The following SEMA3C variants were observed in gnomAD, a reference collection of about 807,000 sequenced individuals.
The protein encoded by SEMA3C is semaphorin 3C.
In SEMA3C, 47 loss-of-function variants were observed where a neutral mutation model predicts 89.4. The observed-to-expected ratio is 0.53, with a 90% CI of 0.42 to 0.67. The LOEUF is 0.67. Ranked by LOEUF, SEMA3C falls within the 30% of genes least tolerant of loss-of-function variation. The pLI is 0.00. For missense variants in SEMA3C, 839 were observed against 929.1 expected (o/e 0.90, Z 1.26); for synonymous variants, 310 against 320.2 (o/e 0.97, Z 0.34).
chr7:80,791,752 T>TG (rs1014563567), intron 11 of SEMA3C, among the ~76,000 whole-genome samples: 2 of 152,128 alleles, frequency 1.3e-5, no homozygotes, highest in Non-Finnish European at 2.9e-5. Context: ...AACAGCAACA[T>TG]GGGGGGCCAA....
intron 2 of SEMA3C, among the ~76,000 whole-genome samples, chr7:80,852,114 C>T (rs992829083): frequency 6.6e-6 from 1 of 152,114 alleles, no homozygotes; most frequent in Admixed American, 6.5e-5. Flanking sequence ...CATTTCATCA[C>T]CACTCTGGAA....
Position 80,744,818 on chromosome 7 carries a change from A to C in SEMA3C, c.*76T>G, listed in dbSNP as rs1382479915. The C allele has an allele frequency of 2.6e-6, 4 of 1,529,034 alleles. No individual in the cohort carries two copies. The African/African-American group carries it at 5.5e-5, about 21-fold the overall frequency. The allele number at this position is 1,529,034 out of a possible 1,614,324, so 94.7% of individuals were successfully genotyped here. ...CAGTAATTCCCCTTGGTAAAGCACA[A>C]GTTTCTTTGCTCAAAATTTGATCAT... On this transcript the variant is annotated 3_prime_UTR_variant, in exon 18 of 18. Transcript: ENST00000265361.
intron 2 of SEMA3C, among the ~76,000 whole-genome samples, chr7:80,909,575 G>C (rs1265526163): frequency 2.0e-5 from 3 of 152,070 alleles, no homozygotes; most frequent in Non-Finnish European, 4.4e-5. Context: ...AGAATATTTA[G>C]CATTTTCAGT....
chr7:80,751,418 T>G, intron 15 of SEMA3C, 82 bp from the exon 16 acceptor site: 2 of 1,249,506 alleles, frequency 1.6e-6, no homozygotes, highest in Admixed American at 1.8e-5. Context: ...AATTTTAAAC[T>G]TTGCACCCTT....
rs1414970237 is a variant in SEMA3C at position 80,823,324 on chromosome 7, G to A, written c.327+4101C>T. On this transcript the variant is annotated intron_variant, in intron 4 of 17. Transcript: ENST00000265361. ...ATTTCACAGATAAGAAAACCAAGAT[G>A]TACAGAAAGTTTAAGTCTCCAAGGT... 2.0e-5 allele frequency among the ~76,000 whole-genome samples: 3 copies of A among 152,270 alleles called. No individual in the cohort carries two copies. The East Asian group carries it at 5.8e-4, about 29-fold the overall frequency.
chr7:80,870,987 C>G (rs1486875149), intron 2 of SEMA3C, among the ~76,000 whole-genome samples: 1 of 152,190 alleles, frequency 6.6e-6, no homozygotes, highest in African/African-American at 2.4e-5. Flanking sequence ...TACTGGCCCT[C>G]TGAACAAGAT....
chr7:80,760,110 A>G (rs539445808), intron 14 of SEMA3C, among the ~76,000 whole-genome samples: 1 of 152,330 alleles, frequency 6.6e-6, no homozygotes, highest in South Asian at 2.1e-4. Flanking sequence ...GTCATTAACA[A>G]TTTGTAGTCC....
chr7:80,853,652 G>A (rs1790568155), intron 2 of SEMA3C, among the ~76,000 whole-genome samples: 1 of 152,162 alleles, frequency 6.6e-6, no homozygotes, highest in Admixed American at 6.5e-5. Flanking sequence ...GAGAGGAAGT[G>A]GAGATGGCTG....
chr7:80,777,815 C>T (rs1377639817), intron 12 of SEMA3C, among the ~76,000 whole-genome samples: 3 of 152,172 alleles, frequency 2.0e-5, no homozygotes, highest in African/African-American at 4.8e-5. Context: ...CTGAAAGAGA[C>T]ATCTTAAGGC....
intron 11 of SEMA3C, among the ~76,000 whole-genome samples, chr7:80,790,329 A>G (rs1788907038): frequency 1.3e-5 from 2 of 151,914 alleles, no homozygotes; most frequent in South Asian, 4.2e-4. Context: ...GGAGGAGGAG[A>G]AAGGAGGAGG....
chr7:80,840,282 G>C (rs936089804), intron 2 of SEMA3C, among the ~76,000 whole-genome samples: 4 of 152,004 alleles, frequency 2.6e-5, no homozygotes, highest in African/African-American at 4.8e-5. Context: ...CATTATGGGA[G>C]GCAATAGCGG....
chr7:80,881,871 G>A (rs1791349652), intron 2 of SEMA3C, among the ~76,000 whole-genome samples: 1 of 152,114 alleles, frequency 6.6e-6, no homozygotes, highest in Non-Finnish European at 1.5e-5. Context: ...GTCATAAAAG[G>A]CTGAGGAGGT....
chr7:80,767,432 A>G (rs544921585), intron 12 of SEMA3C, among the ~76,000 whole-genome samples: 22 of 152,324 alleles, frequency 1.4e-4, no homozygotes, highest in African/African-American at 5.1e-4. Context: ...AGATTTATAA[A>G]TGGTTTCACA....
chr7:80,799,359 C>T (rs777338219), intron 10 of SEMA3C, among the ~76,000 whole-genome samples: 2 of 152,190 alleles, frequency 1.3e-5, no homozygotes, highest in Admixed American at 6.5e-5. Flanking sequence ...GACCCATTAT[C>T]TTCCACAGTG....
chr7:80,856,456 C>A (rs1790642521), intron 2 of SEMA3C, among the ~76,000 whole-genome samples: 1 of 149,806 alleles, frequency 6.7e-6, no homozygotes, highest in Non-Finnish European at 1.5e-5. Context: ...GCTGGCACTG[C>A]CATGCAGCAC....
chr7:80,749,133 T>C, intron 16 of SEMA3C, 105 bp from the exon 17 acceptor site: 2 of 1,210,714 alleles, frequency 1.7e-6, no homozygotes, highest in East Asian at 2.7e-5. Context: ...TTATACAAAA[T>C]TGTGAACAAC....
intron 2 of SEMA3C, among the ~76,000 whole-genome samples, chr7:80,843,986 C>T (rs1006754618): frequency 6.6e-6 from 1 of 152,068 alleles, no homozygotes; most frequent in African/African-American, 2.4e-5. Context: ...TTACTCTCTA[C>T]AAAAATGTTA....
chr7:80,844,884 G>C (rs559622769), intron 2 of SEMA3C, among the ~76,000 whole-genome samples: 1 of 152,302 alleles, frequency 6.6e-6, no homozygotes, highest in East Asian at 1.9e-4. Context: ...TGCTGCAGTA[G>C]TTTTCAAGGT....
At chr7:80,773,451 G>A (rs1427124726) in intron 12 of SEMA3C, among the ~76,000 whole-genome samples, 2 of 152,182 alleles carry the variant, frequency 1.3e-5, no homozygotes, top group Admixed American at 6.5e-5. Flanking sequence ...CATTAACCAT[G>A]ATGGAGTAAT....
Sources: allele counts gnomAD v4.1 joint callset (sites outside exome capture counted in the v4.1 genomes callset), GRCh38; gene constraint gnomAD v4.1.1; transcripts MANE v1.5; gene names NCBI Gene and HGNC (gene_info 2026-07-23, HGNC 2026-07-21).